BMP2: variants seen among roughly 807,000 people sequenced by gnomAD.
The protein encoded by BMP2 is bone morphogenetic protein 2.
Under a neutral mutation model 28.8 loss-of-function variants are expected in BMP2, and 2 were observed. The ratio of observed to expected loss-of-function variants is 0.07; its 90% CI spans 0.03 to 0.22. The LOEUF is 0.22. BMP2 is among the 10% of genes least tolerant of loss of function. BMP2 has a pLI of 1.00. For missense variants in BMP2, 437 were observed against 517.7 expected (o/e 0.84, Z 1.51); for synonymous variants, 218 against 204.3 (o/e 1.07, Z -0.57).
Position 6,779,126 on chromosome 20 carries a change from A to G in BMP2, c.*37A>G, listed in dbSNP as rs1427450553. 9 of 995,576 alleles carry G rather than the reference A, an allele frequency of 9.0e-6. No individual in the cohort carries two copies. The highest frequency in any genetic ancestry group is 1.1e-5 in the Non-Finnish European group (9 of 785,568). 61.7% of individuals were successfully genotyped at this position (995,576 alleles called of 1,614,324 possible). A position where few individuals can be genotyped will look rare whatever the true frequency, so the allele number is the denominator to read the frequency against. ...TAAATACATAAATATATATATATATATATATTTTAGAAAAAAGAAAAAAAC... is the reference window on the plus strand; with the variant it reads ...TAAATACATAAATATATATATATATGTATATTTTAGAAAAAAGAAAAAAAC... On this transcript the variant is annotated 3_prime_UTR_variant, in exon 3 of 3. Coordinates refer to ENST00000378827, the MANE Select transcript of BMP2 (RefSeq NM_001200.4).
intron 2 of BMP2, among the ~76,000 whole-genome samples, chr20:6,773,888 T>C (rs1415572849): frequency 6.6e-6 from 1 of 152,216 alleles, no homozygotes; most frequent in East Asian, 1.9e-4. Flanking sequence ...GTTGTTTTAC[T>C]GGAGATTTTT....
In BMP2 at chr20:6,779,187, T is replaced by TA; in HGVS notation, c.*100dup. On this transcript the variant is annotated 3_prime_UTR_variant, in exon 3 of 3. Transcript: ENST00000378827. ...AAAAACCCCACCCCAGTTGACACTT[T>TA]AATATTTCCCAATGAAGACTTTATT... 1 of 504,008 alleles carries TA rather than the reference T, an allele frequency of 2.0e-6. No individual in the cohort carries two copies. 31.2% of individuals were successfully genotyped at this position (504,008 alleles called of 1,614,324 possible).
intron 2 of BMP2, among the ~76,000 whole-genome samples, chr20:6,772,201 C>A (rs1986414018): frequency 6.6e-6 from 1 of 152,188 alleles, no homozygotes; most frequent in East Asian, 1.9e-4. Context: ...ACTAAACAGG[C>A]TACACGTTAT....
At position 6,768,557 on chromosome 20, in the gene BMP2, G is replaced by C; in HGVS notation, c.-326G>C. On this transcript the variant is annotated 5_prime_UTR_variant, in exon 1 of 3. Coordinates refer to ENST00000378827, the MANE Select transcript of BMP2 (RefSeq NM_001200.4). The stretch of plus-strand genomic sequence containing the variant: ...CGCTGTTGTTGTGTGTCAGCACTTG[G>C]CTGGGGACTTCTTGAACTTGCAGGG... 1 of 393,412 alleles carries C rather than the reference G, an allele frequency of 2.5e-6. No individual in the cohort carries two copies. The highest frequency in any genetic ancestry group is 4.5e-6 in the Non-Finnish European group (1 of 223,076). 24.4% of individuals were successfully genotyped at this position (393,412 alleles called of 1,614,324 possible).
At chr20:6,775,980 T>A (rs1164411436) in intron 2 of BMP2, among the ~76,000 whole-genome samples, 1 of 152,190 alleles carries the variant, frequency 6.6e-6, no homozygotes, top group Non-Finnish European at 1.5e-5. Context: ...CTTAGATGTA[T>A]TCTTATCAGA....
chr20:6,774,295 G>T (rs1488014394), intron 2 of BMP2, among the ~76,000 whole-genome samples: 2 of 152,104 alleles, frequency 1.3e-5, no homozygotes, highest in Non-Finnish European at 2.9e-5. Context: ...GGAGGCTTAG[G>T]TGGGTGGATC....
intron 2 of BMP2, among the ~76,000 whole-genome samples, chr20:6,776,471 A>G (rs1986502800): frequency 6.6e-6 from 1 of 152,216 alleles, no homozygotes; most frequent in African/African-American, 2.4e-5. Context: ...TTATTTAACA[A>G]AAAGGCACTT....
chr20:6,774,041 C>T (rs373930646), intron 2 of BMP2, among the ~76,000 whole-genome samples: 21 of 152,156 alleles, frequency 1.4e-4, no homozygotes, highest in African/African-American at 4.3e-4. Flanking sequence ...CAGTGGGCCC[C>T]GTCACTTTTC....
chr20:6,774,494 C>T (rs1415565491), intron 2 of BMP2, among the ~76,000 whole-genome samples: 1 of 152,070 alleles, frequency 6.6e-6, no homozygotes, highest in East Asian at 1.9e-4. Flanking sequence ...CCACTGCACT[C>T]CAGCCTGGGC....
chr20:6,776,314 C>G (rs1986500141), intron 2 of BMP2, among the ~76,000 whole-genome samples: 1 of 152,122 alleles, frequency 6.6e-6, no homozygotes. Context: ...CCCTAAAGGA[C>G]TCTATTGGCC....
chr20:6,773,122 A>G (rs1411391830), intron 2 of BMP2, among the ~76,000 whole-genome samples: 3 of 152,266 alleles, frequency 2.0e-5, no homozygotes, highest in African/African-American at 7.2e-5. Flanking sequence ...TCTTCTTTCT[A>G]CATGAAATAA....
Position 6,779,111 on chromosome 20 carries a change from AATATATATAT to A in BMP2, c.*33_*42del. 1 of 1,024,042 alleles carries A rather than the reference AATATATATAT, an allele frequency of 9.8e-7. No homozygotes were observed. The highest frequency in any genetic ancestry group is 1.3e-6 in the Non-Finnish European group (1 of 792,590). The allele number at this position is 1,024,042 out of a possible 1,614,324, so 63.4% of individuals were successfully genotyped here. On this transcript the variant is annotated 3_prime_UTR_variant, in exon 3 of 3. Coordinates refer to ENST00000378827, the MANE Select transcript of BMP2 (RefSeq NM_001200.4). ...CTAGTACAGCAAAATTAAATACATAAATATATATATATATATATATTTTAGAAAAAAGAAA... is the reference window on the plus strand; with the variant it reads ...CTAGTACAGCAAAATTAAATACATAAATATATATATTTTAGAAAAAAGAAA...
Position 6,779,111 on chromosome 20 carries a change from AATATAT to A in BMP2, c.*37_*42del, listed in dbSNP as rs71646302. On this transcript the variant is annotated 3_prime_UTR_variant, in exon 3 of 3. Coordinates refer to ENST00000378827, the MANE Select transcript of BMP2 (RefSeq NM_001200.4). ...CTAGTACAGCAAAATTAAATACATAAATATATATATATATATATATTTTAGAAAAAA... is the reference window on the plus strand; with the variant it reads ...CTAGTACAGCAAAATTAAATACATAAATATATATATATATTTTAGAAAAAA... 1.4e-5 allele frequency: 14 copies of A among 1,023,876 alleles called. No individual in the cohort carries two copies. The highest frequency in any genetic ancestry group is 3.3e-5 in the East Asian group (1 of 29,914). 63.4% of individuals were successfully genotyped at this position (1,023,876 alleles called of 1,614,324 possible). A position where few individuals can be genotyped will look rare whatever the true frequency, so the allele number is the denominator to read the frequency against.
At position 6,778,691 on chromosome 20, in the gene BMP2, G is replaced by A; in HGVS notation, c.793G>A (p.Val265Ile). Reference sequence around the variant, plus strand: ...CTGGTCACAGATAAGGCCATTGCTAGTAACTTTTGGCCATGATGGAAAAGG... The same window carrying A: ...CTGGTCACAGATAAGGCCATTGCTAATAACTTTTGGCCATGATGGAAAAGG... ...HSWSQIRPLL[V>I]TFGHDGKGHP... Residue 265 changes from valine to isoleucine, a missense_variant, in exon 3 of 3, where the codon GTA (valine) becomes ATA (isoleucine). Physicochemically the swap from Val to Ile is conservative, Grantham distance 29 (BLOSUM62 3). This residue lies in a region of BMP2 where 363 missense variants were observed against 392.8 expected (regional missense o/e 0.92). Coordinates refer to ENST00000378827, the MANE Select transcript of BMP2 (RefSeq NM_001200.4). The surrounding 1 kb of genome is among the most constrained non-coding windows in gnomAD (Gnocchi z 5.0). 2 of 1,614,160 alleles carry A rather than the reference G, an allele frequency of 1.2e-6. No homozygotes were observed. The highest frequency in any genetic ancestry group is 1.7e-6 in the Non-Finnish European group (2 of 1,180,028).
In BMP2 at chr20:6,770,380, G is replaced by A. The variant is rs1986371207; in HGVS notation, c.254G>A (p.Arg85Lys). ...VPPYMLDLYR[R>K]HSGQPGSPAP... ...CCCTACATGCTAGACCTGTATCGCAGGCACTCAGGTCAGCCGGGCTCACCC... is the reference window on the plus strand; with the variant it reads ...CCCTACATGCTAGACCTGTATCGCAAGCACTCAGGTCAGCCGGGCTCACCC... Residue 85 changes from arginine to lysine, a missense_variant, in exon 2 of 3, where the codon AGG becomes AAG. Arg to Lys is a conservative substitution (Grantham distance 26, BLOSUM62 2). Around this residue, in one of 2 missense-constraint regions of BMP2, gnomAD observed 363 missense variants for 392.8 expected, o/e 0.92. Coordinates refer to ENST00000378827, the MANE Select transcript of BMP2 (RefSeq NM_001200.4). 6.2e-7 allele frequency: 1 copy of A among 1,613,292 alleles called. No homozygotes were observed. The highest frequency in any genetic ancestry group is 1.3e-5 in the African/African-American group (1 of 75,050).
At chr20:6,771,326 G>A (rs1986394182) in intron 2 of BMP2, among the ~76,000 whole-genome samples, 1 of 152,150 alleles carries the variant, frequency 6.6e-6, no homozygotes, top group Admixed American at 6.5e-5. Context: ...AGTTCTTAGA[G>A]CAATTAGTCA....
rs1986573536 is a variant in BMP2 at position 6,779,225 on chromosome 20, TG to T, written c.*138del. ...TGAAGACTTTATTTATGGAATGGAA[TG>T]GAAAAAAAAACAGCTATTTTGAAAA... On this transcript the variant is annotated 3_prime_UTR_variant, in exon 3 of 3. Coordinates refer to ENST00000378827, the MANE Select transcript of BMP2 (RefSeq NM_001200.4). The T allele has an allele frequency of 6.3e-6, 2 of 316,404 alleles. No homozygotes were observed. The highest frequency in any genetic ancestry group is 1.0e-5 in the Non-Finnish European group (2 of 194,480). The allele number at this position is 316,404 out of a possible 1,614,324, so 19.6% of individuals were successfully genotyped here.
At chr20:6,776,838 C>T (rs1448359270) in intron 2 of BMP2, among the ~76,000 whole-genome samples, 2 of 152,154 alleles carry the variant, frequency 1.3e-5, no homozygotes, top group African/African-American at 4.8e-5. Context: ...ACATGATTCT[C>T]CTTTGCTAAG....
Position 6,779,753 on chromosome 20 carries a change from C to A in BMP2, c.*664C>A, listed in dbSNP as rs1049329207. On this transcript the variant is annotated 3_prime_UTR_variant, in exon 3 of 3. Coordinates refer to ENST00000378827, the MANE Select transcript of BMP2 (RefSeq NM_001200.4). ...TTAGGTGGAATATTTGGATAAGAAC[C>A]AGACATTGCTGATCTATTATAGAAA... The A allele has an allele frequency of 1.3e-5, 2 of 152,518 alleles. No individual in the cohort carries two copies. The highest frequency in any genetic ancestry group is 2.9e-5 in the Non-Finnish European group (2 of 68,024). 9.4% of individuals were successfully genotyped at this position (152,518 alleles called of 1,614,324 possible). A position where few individuals can be genotyped will look rare whatever the true frequency, so the allele number is the denominator to read the frequency against.
Sources: allele counts gnomAD v4.1 joint callset (sites outside exome capture counted in the v4.1 genomes callset), GRCh38; gene constraint gnomAD v4.1.1; regional missense constraint gnomAD v4.1.1; non-coding constraint Gnocchi (gnomAD v3.1); transcripts MANE v1.5; gene names NCBI Gene and HGNC (gene_info 2026-07-23, HGNC 2026-07-21).